Variants in MYO18B observed in about 807,000 individuals in gnomAD.
MYO18B encodes unconventional myosin-XVIIIb.
A neutral mutation model predicts 273.0 loss-of-function variants in MYO18B; 204 were observed. That is an observed-to-expected ratio of 0.75 (90% CI 0.67 to 0.84). The LOEUF is 0.84. Ranked by LOEUF, MYO18B falls within the 40% of genes least tolerant of loss-of-function variation. The pLI, the probability that MYO18B is intolerant of heterozygous loss-of-function variation, is 0.00. For missense variants in MYO18B, 3,212 were observed against 3,287.6 expected (o/e 0.98, Z 0.56); for synonymous variants, 1,330 against 1,305.7 (o/e 1.02, Z -0.40).
chr22:25,884,164 G>T (rs1461698025), intron 25 of MYO18B, among the ~76,000 whole-genome samples: 2 of 152,178 alleles, frequency 1.3e-5, no homozygotes, highest in East Asian at 3.8e-4. Context: ...CACTGACGGG[G>T]ACTGCAGATG....
intron 42 of MYO18B, among the ~76,000 whole-genome samples, chr22:26,024,749 G>A (rs1468249990): frequency 6.6e-6 from 1 of 152,218 alleles, no homozygotes; most frequent in Non-Finnish European, 1.5e-5. Context: ...GAGGAGATAG[G>A]TTTGTGGGAT....
intron 42 of MYO18B, among the ~76,000 whole-genome samples, chr22:26,022,140 C>T (rs899042923): frequency 1.3e-5 from 2 of 152,002 alleles, no homozygotes. Context: ...GCCTTCTATA[C>T]GTCATCCCTC....
At position 25,992,343 on chromosome 22, in the gene MYO18B, T is replaced by A; in HGVS notation, c.6157-20T>A. 6.2e-7 allele frequency: 1 copy of A among 1,612,846 alleles called. No homozygotes were observed. Among genetic ancestry groups the A allele is most frequent in the Middle Eastern group, 1.7e-4 (1 of 6,054 alleles). On this transcript the variant is annotated intron_variant, in intron 39 of 43. Coordinates refer to ENST00000335473, the MANE Select transcript of MYO18B (RefSeq NM_032608.7). ...ATTTCTTGCCCAAGGCCAACGTGTG[T>A]TTGCATCTTCTGTCCCCAGGAGAAG...
At chr22:25,828,475 T>A (rs1039276406) in intron 14 of MYO18B, among the ~76,000 whole-genome samples, 7 of 152,140 alleles carry the variant, frequency 4.6e-5, no homozygotes, top group South Asian at 2.1e-4. Context: ...AGGCTTCATA[T>A]GGTAGCCAAC....
At chr22:25,835,571 A>C (rs974038581) in intron 17 of MYO18B, 128 bp downstream of exon 17, 2 of 1,140,140 alleles carry the variant, frequency 1.8e-6, no homozygotes, top group African/African-American at 3.1e-5. Context: ...GTGAATGTGC[A>C]TGAGCCTGTG....
At chr22:25,873,581 C>T (rs957969601) in intron 22 of MYO18B, among the ~76,000 whole-genome samples, 3 of 152,222 alleles carry the variant, frequency 2.0e-5, no homozygotes, top group African/African-American at 7.2e-5. Flanking sequence ...GCTGGGATTA[C>T]AGGCATTCGC....
Position 25,902,594 on chromosome 22 carries a change from C to A in MYO18B, c.4824-19C>A. ...CCCACCTGCCTACGGGGCCCTGACA[C>A]GTGCTCTGCTTTGCACAGGTTTGAC... On this transcript the variant is annotated intron_variant, in intron 29 of 43. Coordinates refer to ENST00000335473, the MANE Select transcript of MYO18B (RefSeq NM_032608.7). 3 of 1,602,816 alleles carry A rather than the reference C, an allele frequency of 1.9e-6. No individual in the cohort carries two copies. The highest frequency in any genetic ancestry group is 2.6e-6 in the Non-Finnish European group (3 of 1,174,784).
chr22:25,814,255 C>T (rs1300103188), intron 12 of MYO18B, among the ~76,000 whole-genome samples: 4 of 140,328 alleles, frequency 2.9e-5, no homozygotes, highest in African/African-American at 1.1e-4. Context: ...AACAGTAGCT[C>T]ACATTTAATC....
At chr22:25,820,569 AGT>A (rs796798871) in intron 12 of MYO18B, among the ~76,000 whole-genome samples, 116 of 152,332 alleles carry the variant, frequency 7.6e-4, no homozygotes, top group African/African-American at 2.6e-3. Flanking sequence ...ACATATAATA[AGT>A]GTACATATTT....
At chr22:25,843,682 T>G (rs2090149641) in intron 17 of MYO18B, 53 bp from the exon 18 acceptor site, 1 of 1,561,392 alleles carries the variant, frequency 6.4e-7, no homozygotes, top group South Asian at 1.2e-5. Flanking sequence ...GCCAGCTGAT[T>G]GCAGAGTGTC....
intron 30 of MYO18B, 74 bp downstream of exon 30, chr22:25,902,810 T>C: frequency 6.7e-7 from 1 of 1,482,144 alleles, no homozygotes; most frequent in Non-Finnish European, 9.1e-7. Flanking sequence ...GTGCACCTGC[T>C]GCAAATGGTG....
intron 39 of MYO18B, among the ~76,000 whole-genome samples, chr22:25,955,684 A>G (rs2092842846): frequency 6.6e-6 from 1 of 152,168 alleles, no homozygotes; most frequent in South Asian, 2.1e-4. Context: ...GGCCTCATAC[A>G]AAAGAGGAAA....
the MYO18B span, among the ~76,000 whole-genome samples, chr22:26,060,417 A>G: frequency 4.6e-5 from 7 of 152,096 alleles, no homozygotes; most frequent in African/African-American, 1.7e-4. Flanking sequence ...CTGGTCCATG[A>G]CCTCCTGACC....
At chr22:25,812,006 C>T (rs2088783837) in intron 12 of MYO18B, among the ~76,000 whole-genome samples, 1 of 152,198 alleles carries the variant, frequency 6.6e-6, no homozygotes, top group Non-Finnish European at 1.5e-5. Context: ...GTTATCATTT[C>T]CATCTGTAGG....
intron 15 of MYO18B, among the ~76,000 whole-genome samples, chr22:25,831,924 A>C (rs552613054): frequency 1.3e-5 from 2 of 152,006 alleles, no homozygotes; most frequent in East Asian, 3.9e-4. Context: ...GTGATGAATA[A>C]ACAAACAACC....
chr22:25,779,726 A>G (rs910110432), intron 8 of MYO18B, among the ~76,000 whole-genome samples: 1 of 152,172 alleles, frequency 6.6e-6, no homozygotes, highest in Non-Finnish European at 1.5e-5. Flanking sequence ...ACCTCTTCCT[A>G]GGCTCCATTA....
At position 25,777,602 on chromosome 22, in the gene MYO18B, A is replaced by T. The variant is rs775272639; in HGVS notation, c.1889A>T (p.Asp630Val). 7 of 1,597,204 alleles carry T rather than the reference A, an allele frequency of 4.4e-6. No individual in the cohort carries two copies. The highest frequency in any genetic ancestry group is 6.0e-6 in the Non-Finnish European group (7 of 1,172,200). Residue 630 changes from aspartate (D) to valine (V), a missense_variant, in exon 8 of 44, where the codon GAT becomes GTT. Physicochemically the swap from Asp to Val is radical, Grantham distance 152 (BLOSUM62 -3). Transcript: ENST00000335473. ...SAGKVPKGRR[D>V]GLPAHIGSMA... ...CTGCAGGTGCCCAAGGGCCGCCGGG[A>T]TGGCCTGCCTGCCCACATTGGCTCC...
intron 21 of MYO18B, among the ~76,000 whole-genome samples, chr22:25,855,607 A>G (rs2090548772): frequency 6.6e-6 from 1 of 152,154 alleles, no homozygotes; most frequent in Non-Finnish European, 1.5e-5. Flanking sequence ...ACTGCATAGT[A>G]TTCCATAGTG....
At chr22:25,895,935 T>C (rs2146307025) in intron 28 of MYO18B, among the ~76,000 whole-genome samples, 1 of 152,266 alleles carries the variant, frequency 6.6e-6, no homozygotes, top group South Asian at 2.1e-4. Context: ...TTTTTTTTTT[T>C]TTCCGCTCCC....
Sources: gnomAD v4.1 joint callset for allele counts (sites outside exome capture counted in the v4.1 genomes callset) on GRCh38, gnomAD v4.1.1 for gene constraint, MANE v1.5 for transcripts, NCBI Gene and HGNC (gene_info 2026-07-23, HGNC 2026-07-21) for gene names.